GABPB1: variants seen among roughly 807,000 people sequenced by gnomAD.
The protein encoded by GABPB1 is GA-binding protein subunit beta-1.
A neutral mutation model predicts 45.9 loss-of-function variants in GABPB1; 15 were observed. That is an observed-to-expected ratio of 0.33 (90% CI 0.22 to 0.50). The LOEUF (loss-of-function observed/expected upper bound fraction) is 0.50, where lower values mean the gene tolerates loss of function less well. Ranked by LOEUF, GABPB1 falls within the 20% of genes least tolerant of loss-of-function variation. The pLI is 0.98. For missense variants in GABPB1, 252 were observed against 457.5 expected (o/e 0.55, Z 4.10); for synonymous variants, 143 against 154.4 (o/e 0.93, Z 0.55).
intron 8 of GABPB1, among the ~76,000 whole-genome samples, chr15:50,281,267 A>G (rs1283047623): frequency 6.6e-6 from 1 of 152,138 alleles, no homozygotes; most frequent in Admixed American, 6.6e-5. Flanking sequence ...GCTGGAGTGC[A>G]GTGGCATTAT....
intron 6 of GABPB1, among the ~76,000 whole-genome samples, chr15:50,298,739 G>A (rs1010366295): frequency 6.6e-6 from 1 of 152,174 alleles, no homozygotes; most frequent in Non-Finnish European, 1.5e-5. Flanking sequence ...GATCACTGAG[G>A]TGAGGAGTTC....
At chr15:50,320,975 C>T (rs149078634) in intron 1 of GABPB1, among the ~76,000 whole-genome samples, 49 of 152,186 alleles carry the variant, frequency 3.2e-4, no homozygotes, top group Non-Finnish European at 6.6e-4. Context: ...TTTAGGTCTT[C>T]GGACTTCCAG....
intron 1 of GABPB1, among the ~76,000 whole-genome samples, chr15:50,335,130 C>A (rs2048075194): frequency 1.3e-5 from 2 of 152,178 alleles, no homozygotes; most frequent in African/African-American, 4.8e-5. Context: ...CCTTTCCCAC[C>A]TATGCTTTGT....
chr15:50,319,982 A>G (rs2047500987), intron 1 of GABPB1, among the ~76,000 whole-genome samples: 1 of 152,226 alleles, frequency 6.6e-6, no homozygotes, highest in Non-Finnish European at 1.5e-5. Flanking sequence ...GCATCCTTCC[A>G]GATCTTTTCT....
chr15:50,329,458 A>T (rs2047878364), intron 1 of GABPB1, among the ~76,000 whole-genome samples: 1 of 152,216 alleles, frequency 6.6e-6, no homozygotes, highest in Non-Finnish European at 1.5e-5. Context: ...AATACATATC[A>T]TATGGTGTCA....
chr15:50,326,933 C>G (rs2047791154), intron 1 of GABPB1, among the ~76,000 whole-genome samples: 1 of 152,136 alleles, frequency 6.6e-6, no homozygotes, highest in Non-Finnish European at 1.5e-5. Context: ...GAGGAGACAG[C>G]CTTTATCCTT....
intron 1 of GABPB1, chr15:50,350,396 C>A (rs962766223): frequency 1.4e-5 from 2 of 147,206 alleles, no homozygotes; most frequent in Non-Finnish European, 3.0e-5. Flanking sequence ...TCACACACAT[C>A]TTTACTACAT....
chr15:50,286,907 T>A (rs1157418819), intron 7 of GABPB1, among the ~76,000 whole-genome samples: 1 of 152,234 alleles, frequency 6.6e-6, no homozygotes, highest in Non-Finnish European at 1.5e-5. Flanking sequence ...GCCATTTTAA[T>A]AATCACAATG....
At chr15:50,340,974 TTATTACCATATGTAA>T (rs1460745351) in intron 1 of GABPB1, among the ~76,000 whole-genome samples, 2 of 141,680 alleles carry the variant, frequency 1.4e-5, no homozygotes, top group South Asian at 2.2e-4. Context: ...TACATATGGT[TTATTACCATATGTAA>T]TATTACATAT....
intron 1 of GABPB1, chr15:50,347,424 T>A (rs1441595815): frequency 6.6e-6 from 1 of 152,042 alleles, no homozygotes; most frequent in African/African-American, 2.4e-5. Context: ...AAAATAATAA[T>A]AAATATGGAA....
chr15:50,287,181 ACTATATATTTTT>A (rs1331190446), intron 7 of GABPB1, among the ~76,000 whole-genome samples: 1 of 152,120 alleles, frequency 6.6e-6, no homozygotes, highest in Admixed American at 6.5e-5. Flanking sequence ...TCACATGTAA[ACTATATATTTTT>A]AATTCAGGAA....
chr15:50,301,623 G>C (rs923832548), intron 4 of GABPB1, among the ~76,000 whole-genome samples: 3 of 152,092 alleles, frequency 2.0e-5, no homozygotes, highest in African/African-American at 7.2e-5. Context: ...GTTTTTAACA[G>C]AACACAGAAC....
intron 7 of GABPB1, among the ~76,000 whole-genome samples, chr15:50,287,691 GT>G (rs1437497980): frequency 6.6e-6 from 1 of 152,188 alleles, no homozygotes; most frequent in African/African-American, 2.4e-5. Context: ...AATGATACGG[GT>G]TTTGGAAACA....
intron 1 of GABPB1, among the ~76,000 whole-genome samples, chr15:50,334,635 G>A (rs1044975285): frequency 6.7e-6 from 1 of 150,350 alleles, no homozygotes; most frequent in Non-Finnish European, 1.5e-5. Context: ...AGCCTCCGGA[G>A]TAGCTGGGAC....
chr15:50,301,989 CT>C (rs1022345014), intron 4 of GABPB1, among the ~76,000 whole-genome samples: 2 of 152,138 alleles, frequency 1.3e-5, no homozygotes, highest in African/African-American at 4.8e-5. Flanking sequence ...CATAAAACAT[CT>C]TTTAAGTAAC....
At chr15:50,292,507 C>G (rs533036761) in intron 6 of GABPB1, among the ~76,000 whole-genome samples, 2 of 151,916 alleles carry the variant, frequency 1.3e-5, no homozygotes, top group Admixed American at 6.6e-5. Flanking sequence ...TGAAAAGACC[C>G]GGCAGTCATC....
At chr15:50,334,697 A>G (rs892456636) in intron 1 of GABPB1, among the ~76,000 whole-genome samples, 6 of 151,646 alleles carry the variant, frequency 4.0e-5, no homozygotes, top group Admixed American at 1.3e-4. Context: ...TTCTGTACAG[A>G]CAAGGTTTCA....
intron 2 of GABPB1, among the ~76,000 whole-genome samples, chr15:50,304,985 T>G (rs2046891373): frequency 6.6e-6 from 1 of 152,146 alleles, no homozygotes; most frequent in South Asian, 2.1e-4. Context: ...CAAAGTTGAA[T>G]CAGGACAAAA....
intron 1 of GABPB1, chr15:50,354,720 G>A (rs1236808334): frequency 6.3e-6 from 2 of 315,994 alleles, no homozygotes; most frequent in East Asian, 1.4e-4. Context: ...AGGGGGCGGC[G>A]GCCGCCACCA....
Sources: allele counts gnomAD v4.1 joint callset (sites outside exome capture counted in the v4.1 genomes callset), GRCh38; gene constraint gnomAD v4.1.1; transcripts MANE v1.5; gene names NCBI Gene and HGNC (gene_info 2026-07-23, HGNC 2026-07-21).